SNCAIP: variants seen among roughly 807,000 people sequenced by gnomAD.
The protein encoded by SNCAIP is synphilin-1.
Under a neutral mutation model 86.7 loss-of-function variants are expected in SNCAIP, and 43 were observed. The observed-to-expected ratio is 0.50, with a 90% confidence interval of 0.39 to 0.64. The LOEUF is 0.64. Among genes scored for constraint, SNCAIP ranks in the 30% least tolerant of loss-of-function variants. SNCAIP has a pLI of 0.00. For missense variants in SNCAIP, 981 were observed against 1,103.1 expected, an observed-to-expected ratio of 0.89 and a Z score of 1.57; for synonymous variants, 417 against 427.2, an observed-to-expected ratio of 0.98 and a Z score of 0.29.
At chr5:122,394,846 T>G (rs939653721) in intron 2 of SNCAIP, among the ~76,000 whole-genome samples, 1 of 152,162 alleles carries the variant, frequency 6.6e-6, no homozygotes, top group Non-Finnish European at 1.5e-5. Flanking sequence ...TTTAACTAAG[T>G]TATCTTGTTC....
chr5:122,456,539 T>C (rs1165345728), intron 10 of SNCAIP, among the ~76,000 whole-genome samples: 1 of 152,050 alleles, frequency 6.6e-6, no homozygotes, highest in Non-Finnish European at 1.5e-5. Context: ...GAAGTAAAGG[T>C]GAGGCCCTGG....
intron 10 of SNCAIP, 60 bp downstream of exon 10, chr5:122,451,661 T>C (rs1783713848): frequency 7.9e-7 from 1 of 1,258,110 alleles, no homozygotes; most frequent in Middle Eastern, 2.4e-4. Flanking sequence ...TTGTTCCTAA[T>C]ATCACAGATT....
At chr5:122,392,937 A>G (rs1769732981) in intron 2 of SNCAIP, among the ~76,000 whole-genome samples, 1 of 152,188 alleles carries the variant, frequency 6.6e-6, no homozygotes, top group Non-Finnish European at 1.5e-5. Flanking sequence ...TTTTTTTAAT[A>G]CAACAGAGCA....
At chr5:122,346,212 G>A (rs1313033976) in intron 1 of SNCAIP, among the ~76,000 whole-genome samples, 1 of 152,082 alleles carries the variant, frequency 6.6e-6, no homozygotes, top group East Asian at 1.9e-4. Flanking sequence ...TACTTGAAAA[G>A]GTCCAGTGCA....
rs1398135438 is a variant in SNCAIP at position 122,447,363 on chromosome 5, C to A, written c.1593-2482C>A. On this transcript the variant is annotated intron_variant, in intron 8 of 10. Transcript: ENST00000261368. ...CCTGTCAAACTAATACAGTGGCCAT[C>A]TGCCCATATATTTTCTTTTCTACAA... Among the ~76,000 whole-genome samples the A allele has an allele frequency of 4.6e-5, 7 of 152,222 alleles. No homozygotes were observed. The East Asian group carries it at 1.3e-3, about 29-fold the overall frequency.
At chr5:122,312,899 C>T (rs576282770) in intron 1 of SNCAIP, 2 of 152,298 alleles carry the variant, frequency 1.3e-5, no homozygotes, top group East Asian at 1.9e-4. Flanking sequence ...TGTCTCTTGG[C>T]GATGACTTTC....
intron 1 of SNCAIP, among the ~76,000 whole-genome samples, chr5:122,357,853 TG>T (rs1397541398): frequency 6.6e-6 from 1 of 152,084 alleles, no homozygotes; most frequent in African/African-American, 2.4e-5. Context: ...GCTACCACAT[TG>T]GACAGCACAG....
intron 3 of SNCAIP, among the ~76,000 whole-genome samples, chr5:122,408,989 C>T (rs1006238582): frequency 6.6e-6 from 1 of 152,164 alleles, no homozygotes; most frequent in African/African-American, 2.4e-5. Flanking sequence ...TCCAGACCCC[C>T]TGTGGGTAAG....
Position 122,382,801 on chromosome 5 carries a change from C to T in SNCAIP, c.-46-8288C>T, listed in dbSNP as rs562642007. Among the ~76,000 whole-genome samples the T allele has an allele frequency of 3.6e-3, 549 of 152,238 alleles. 1 individual carries two copies. The highest frequency in any genetic ancestry group is 6.0e-3 in the Non-Finnish European group (405 of 68,014). On this transcript the variant is annotated intron_variant, in intron 1 of 10. Coordinates refer to ENST00000261368, the MANE Select transcript of SNCAIP (RefSeq NM_005460.4). ...CTGCAGGTCTGTTGGAATACCCTGC[C>T]GTGTGAGGTGTCAGTGTGCCCCTGC...
intron 1 of SNCAIP, among the ~76,000 whole-genome samples, chr5:122,351,675 T>C (rs1051664861): frequency 3.3e-5 from 5 of 151,700 alleles, no homozygotes; most frequent in Non-Finnish European, 5.9e-5. Flanking sequence ...CAGACAAGCC[T>C]GAACAAAGAC....
At chr5:122,344,021 G>T (rs542987474) in intron 1 of SNCAIP, among the ~76,000 whole-genome samples, 1 of 151,760 alleles carries the variant, frequency 6.6e-6, no homozygotes, top group Non-Finnish European at 1.5e-5. Flanking sequence ...TGCCTTCCAC[G>T]GCTACTGTAT....
At chr5:122,329,262 C>CAAA (rs78307168) in intron 1 of SNCAIP, among the ~76,000 whole-genome samples, 112 of 81,218 alleles carry the variant, frequency 1.4e-3, no homozygotes, top group African/African-American at 4.2e-3. Context: ...GGTAATGTGG[C>CAAA]AAAAAAAAAA....
intron 1 of SNCAIP, among the ~76,000 whole-genome samples, chr5:122,324,746 GA>G (rs797011306): frequency 3.3e-4 from 51 of 152,344 alleles, no homozygotes; most frequent in African/African-American, 1.2e-3. Flanking sequence ...AGTAATTGGT[GA>G]TGGAATTATA....
At chr5:122,388,684 T>C (rs970576747) in intron 1 of SNCAIP, 1 of 152,212 alleles carries the variant, frequency 6.6e-6, no homozygotes, top group African/African-American at 2.4e-5. Context: ...AAGCAGTTAA[T>C]GTTGGGGAAT....
chr5:122,359,838 A>G (rs541324887), intron 1 of SNCAIP, among the ~76,000 whole-genome samples: 2 of 152,326 alleles, frequency 1.3e-5, no homozygotes, highest in African/African-American at 4.8e-5. Flanking sequence ...GTAAAGCATA[A>G]TATGTCTTCA....
chr5:122,330,457 A>G (rs61425283), intron 1 of SNCAIP, among the ~76,000 whole-genome samples: 33,994 of 151,958 alleles, frequency 0.22, 4,144 homozygotes, highest in African/African-American at 0.32. Context: ...GAGCAGTTAC[A>G]GCATTTGTAT....
chr5:122,420,366 G>A lies in SNCAIP; in HGVS notation c.131-2502G>A, dbSNP rs1296918483. ...ATGTAAATAAAGCCAACATAAAAGA[G>A]TAGCCCTTTGAACCTACGACCTTAT... On this transcript the variant is annotated intron_variant, in intron 3 of 10. Transcript: ENST00000261368. Among the ~76,000 whole-genome samples the A allele has an allele frequency of 5.3e-5, 8 of 152,112 alleles. No homozygotes were observed. In the South Asian group the frequency reaches 1.2e-3, roughly 24 times the overall value.
At chr5:122,393,925 G>T (rs143189260) in intron 2 of SNCAIP, among the ~76,000 whole-genome samples, 254 of 152,270 alleles carry the variant, frequency 1.7e-3, no homozygotes, top group African/African-American at 5.7e-3. Context: ...TGGAATGATT[G>T]TTCTCAGGCT....
chr5:122,450,057 G>C, intron 9 of SNCAIP, 120 bp downstream of exon 9: 1 of 758,234 alleles, frequency 1.3e-6, no homozygotes, highest in East Asian at 2.7e-5. Flanking sequence ...TTCTTATAAA[G>C]AGGAATAAAA....
Sources: allele counts gnomAD v4.1 joint callset (sites outside exome capture counted in the v4.1 genomes callset), GRCh38; gene constraint gnomAD v4.1.1; transcripts MANE v1.5; gene names NCBI Gene and HGNC (gene_info 2026-07-23, HGNC 2026-07-21).